The following UBE2G1 variants were observed in gnomAD, a reference collection of about 807,000 sequenced individuals.
The protein encoded by UBE2G1 is ubiquitin-conjugating enzyme E2 G1.
Under a neutral mutation model 22.7 loss-of-function variants are expected in UBE2G1, and 5 were observed. That is an observed-to-expected ratio of 0.22 (90% CI 0.12 to 0.46). The LOEUF is 0.46. Among genes scored for constraint, UBE2G1 ranks in the 20% least tolerant of loss-of-function variants. The probability of loss-of-function intolerance (pLI) is 0.99; values close to 1 mark genes in which losing one functional copy is unlikely to be tolerated. For missense variants in UBE2G1, 88 were observed against 203.9 expected, an observed-to-expected ratio of 0.43 and a Z score of 3.46; for synonymous variants, 74 against 67.5, an observed-to-expected ratio of 1.10 and a Z score of -0.47.
At chr17:4,297,324 G>A (rs561196067) in intron 2 of UBE2G1, among the ~76,000 whole-genome samples, 4 of 151,828 alleles carry the variant, frequency 2.6e-5, no homozygotes, top group East Asian at 1.9e-4. Context: ...GTATTTACTC[G>A]GCATTTATGT....
intron 1 of UBE2G1, among the ~76,000 whole-genome samples, chr17:4,363,845 G>C (rs867045166): frequency 6.7e-6 from 1 of 150,306 alleles, no homozygotes; most frequent in African/African-American, 2.5e-5. Context: ...CCAGCTACTC[G>C]GGAAGCTCAG....
chr17:4,352,069 C>A lies in UBE2G1; in HGVS notation c.46+14202G>T, dbSNP rs570663314. Among the ~76,000 whole-genome samples the A allele has an allele frequency of 4.6e-5, 7 of 152,052 alleles. No individual in the cohort carries two copies. The South Asian group carries it at 1.5e-3, about 32-fold the overall frequency. On this transcript the variant is annotated intron_variant, in intron 1 of 5. Coordinates refer to ENST00000396981, the MANE Select transcript of UBE2G1 (RefSeq NM_003342.5). ...GGTGAGGAGTTAGAGACCAGCCTGG[C>A]CAACATGGTGAAACTCCGTCTTTTA...
intron 1 of UBE2G1, among the ~76,000 whole-genome samples, chr17:4,327,488 A>C (rs1182798790): frequency 6.6e-6 from 1 of 151,896 alleles, no homozygotes; most frequent in East Asian, 1.9e-4. Flanking sequence ...GAAACAGAAA[A>C]AGAAAAGAAA....
intron 1 of UBE2G1, among the ~76,000 whole-genome samples, chr17:4,322,389 A>G (rs924194478): frequency 2.6e-5 from 4 of 151,610 alleles, no homozygotes; most frequent in Admixed American, 6.6e-5. Flanking sequence ...CATGCCTTGA[A>G]CTCCTCCTCA....
At chr17:4,342,692 G>A (rs1113857) in intron 1 of UBE2G1, among the ~76,000 whole-genome samples, 7,166 of 152,234 alleles carry the variant, frequency 0.047, 599 homozygotes, top group African/African-American at 0.16. Context: ...GTCCAAGCTA[G>A]CATCATGTCT....
intron 2 of UBE2G1, among the ~76,000 whole-genome samples, chr17:4,302,894 C>T (rs1969201538): frequency 1.3e-5 from 2 of 152,068 alleles, no homozygotes; most frequent in Non-Finnish European, 2.9e-5. Context: ...TTGTGTGTTG[C>T]TGAAGAATTC....
At chr17:4,339,095 TCAA>T (rs1189651275) in intron 1 of UBE2G1, among the ~76,000 whole-genome samples, 1 of 152,190 alleles carries the variant, frequency 6.6e-6, no homozygotes, top group Non-Finnish European at 1.5e-5. Context: ...TGAAAATTTT[TCAA>T]CAACAGTAAC....
intron 1 of UBE2G1, among the ~76,000 whole-genome samples, chr17:4,343,733 C>T (rs1325898329): frequency 6.6e-6 from 1 of 151,910 alleles, no homozygotes; most frequent in South Asian, 2.1e-4. Flanking sequence ...GGACTACTGG[C>T]GCCCACCACC....
intron 1 of UBE2G1, among the ~76,000 whole-genome samples, chr17:4,360,309 TAA>T (rs989399002): frequency 7.2e-5 from 11 of 152,260 alleles, no homozygotes; most frequent in African/African-American, 2.6e-4. Flanking sequence ...CTGATCTCAT[TAA>T]AAGAGTGCTT....
At chr17:4,303,578 G>A (rs1198908918) in intron 2 of UBE2G1, among the ~76,000 whole-genome samples, 4 of 152,004 alleles carry the variant, frequency 2.6e-5, no homozygotes, top group African/African-American at 7.3e-5. Flanking sequence ...CCATGTTCTT[G>A]AACACTACGT....
rs113069796 is a variant in UBE2G1 at position 4,346,071 on chromosome 17, C to G, written c.46+20200G>C. 9.1e-4 allele frequency among the ~76,000 whole-genome samples: 139 copies of G among 152,318 alleles called. 1 individual carries two copies. Among genetic ancestry groups the G allele is most frequent in the African/African-American group, 3.2e-3 (131 of 41,572 alleles). On this transcript the variant is annotated intron_variant, in intron 1 of 5. Coordinates refer to ENST00000396981, the MANE Select transcript of UBE2G1 (RefSeq NM_003342.5). ...CAATATAGGATTCAGAATTGCTAAACAACTTCCTCTTTATAAAAATGACTA... is the reference window on the plus strand; with the variant it reads ...CAATATAGGATTCAGAATTGCTAAAGAACTTCCTCTTTATAAAAATGACTA...
chr17:4,339,397 C>T (rs981532460), intron 1 of UBE2G1, among the ~76,000 whole-genome samples: 15 of 151,820 alleles, frequency 9.9e-5, no homozygotes, highest in Non-Finnish European at 1.8e-4. Context: ...CTTCGACTCC[C>T]GGCTTCAAGC....
At chr17:4,349,014 C>T (rs1426769161) in intron 1 of UBE2G1, among the ~76,000 whole-genome samples, 2 of 152,086 alleles carry the variant, frequency 1.3e-5, no homozygotes, top group African/African-American at 4.8e-5. Flanking sequence ...TGGTGAAACC[C>T]AGTCTCTACT....
At chr17:4,349,507 G>A (rs932955991) in intron 1 of UBE2G1, among the ~76,000 whole-genome samples, 2 of 6,790 alleles carry the variant, frequency 2.9e-4, no homozygotes, top group Non-Finnish European at 8.6e-4. Flanking sequence ...TGGAGGCATT[G>A]TTTTTAAAAA....
intron 1 of UBE2G1, among the ~76,000 whole-genome samples, chr17:4,345,239 G>T (rs1969755754): frequency 6.6e-6 from 1 of 152,110 alleles, no homozygotes; most frequent in Non-Finnish European, 1.5e-5. Context: ...TGTTTGAGGG[G>T]AAAAGGTGTC....
rs760035909 is a variant in UBE2G1 at position 4,313,963 on chromosome 17, A to T, written c.47-6840T>A. ...GTCATGGAAAATAATGCATGAGCAG[A>T]CTTGCTAAGATAGAGTCATTACCAA... On this transcript the variant is annotated intron_variant, in intron 1 of 5. Coordinates refer to ENST00000396981, the MANE Select transcript of UBE2G1 (RefSeq NM_003342.5). Among the ~76,000 whole-genome samples, 164 of 152,334 alleles carry T rather than the reference A, an allele frequency of 1.1e-3. 2 individuals carry two copies. The highest frequency in any genetic ancestry group is 5.4e-4 in the Non-Finnish European group (37 of 68,040).
chr17:4,329,398 C>CA (rs894092561), intron 1 of UBE2G1, among the ~76,000 whole-genome samples: 13 of 144,304 alleles, frequency 9.0e-5, no homozygotes, highest in African/African-American at 1.5e-4. Context: ...GATTCTGTCT[C>CA]AAAAAAAAAA....
At chr17:4,302,152 T>C (rs969253396) in intron 2 of UBE2G1, 7 of 516,454 alleles carry the variant, frequency 1.4e-5, no homozygotes, top group Admixed American at 4.1e-5. Flanking sequence ...TTCCCTTTTA[T>C]TGGACTTGGG....
At chr17:4,308,935 C>T (rs1443026187) in intron 1 of UBE2G1, among the ~76,000 whole-genome samples, 1 of 152,090 alleles carries the variant, frequency 6.6e-6, no homozygotes, top group Non-Finnish European at 1.5e-5. Flanking sequence ...TAACAACATG[C>T]CAGCAAAATA....
Sources: gnomAD v4.1 joint callset for allele counts (sites outside exome capture counted in the v4.1 genomes callset) on GRCh38, gnomAD v4.1.1 for gene constraint, MANE v1.5 for transcripts, NCBI Gene and HGNC (gene_info 2026-07-23, HGNC 2026-07-21) for gene names.